PPFIA2: variants seen among roughly 807,000 people sequenced by gnomAD.
PPFIA2 encodes PPFI scaffold protein A2.
PPFIA2 carries 46 observed loss-of-function variants against 175.5 expected under a neutral mutation model. That is an observed-to-expected ratio of 0.26 (90% confidence interval 0.21 to 0.34). The LOEUF is 0.34. Ranked by LOEUF, PPFIA2 falls within the 10% of genes least tolerant of loss-of-function variation. PPFIA2 has a pLI of 1.00. For synonymous variants in PPFIA2, 568 were observed against 511.4 expected (o/e 1.11, Z -1.49); for missense variants, 1,179 against 1,506.1 (o/e 0.78, Z 3.60).
chr12:81,463,936 T>C (rs1004844075), intron 4 of PPFIA2, among the ~76,000 whole-genome samples: 1 of 152,156 alleles, frequency 6.6e-6, no homozygotes, highest in African/African-American at 2.4e-5. Flanking sequence ...ATAGGACATC[T>C]AACTTCTGTG....
chr12:81,340,321 G>T (rs2057831361), intron 20 of PPFIA2, among the ~76,000 whole-genome samples: 1 of 152,040 alleles, frequency 6.6e-6, no homozygotes, highest in Non-Finnish European at 1.5e-5. Context: ...CTAGAAGATA[G>T]ATATTTTTAT....
At chr12:81,340,999 T>C in intron 20 of PPFIA2, 79 bp downstream of exon 20, 1 of 1,396,680 alleles carries the variant, frequency 7.2e-7, no homozygotes, top group Non-Finnish European at 9.8e-7. Flanking sequence ...TGTTAAGCAG[T>C]CTATTCGACA....
At chr12:81,388,609 T>C (rs1451021353) in intron 8 of PPFIA2, among the ~76,000 whole-genome samples, 1 of 152,070 alleles carries the variant, frequency 6.6e-6, no homozygotes, top group African/African-American at 2.4e-5. Context: ...TTTATCAAAA[T>C]TGACAGAATT....
intron 27 of PPFIA2, among the ~76,000 whole-genome samples, chr12:81,278,438 G>T (rs907389866): frequency 6.6e-6 from 1 of 151,934 alleles, no homozygotes; most frequent in Non-Finnish European, 1.5e-5. Context: ...CTACTCGGGA[G>T]GCTGAGGCAG....
chr12:81,323,976 T>C (rs1467219167), intron 22 of PPFIA2, among the ~76,000 whole-genome samples: 1 of 152,046 alleles, frequency 6.6e-6, no homozygotes, highest in Non-Finnish European at 1.5e-5. Context: ...CATTAATCCA[T>C]GGGAAATAAT....
At chr12:81,480,697 G>T (rs2058105500) in intron 4 of PPFIA2, among the ~76,000 whole-genome samples, 1 of 152,084 alleles carries the variant, frequency 6.6e-6, no homozygotes, top group South Asian at 2.1e-4. Context: ...GAGTTTGCTA[G>T]AAGTCCACTC....
intron 4 of PPFIA2, among the ~76,000 whole-genome samples, chr12:81,484,987 T>A (rs912642961): frequency 2.0e-5 from 3 of 151,878 alleles, no homozygotes; most frequent in African/African-American, 7.2e-5. Context: ...TCAAGGATAT[T>A]TAGAGACATA....
At chr12:81,324,893 T>C (rs746716564) in intron 22 of PPFIA2, among the ~76,000 whole-genome samples, 1 of 151,994 alleles carries the variant, frequency 6.6e-6, no homozygotes, top group Admixed American at 6.6e-5. Context: ...AAGTATATAC[T>C]TCCCTATTAT....
intron 17 of PPFIA2, 141 bp from the exon 18 acceptor site, chr12:81,347,911 C>CT (rs1003717045): frequency 0.018 from 20,246 of 1,120,670 alleles, no homozygotes; most frequent in South Asian, 0.022. Context: ...ATTTTTTCAT[C>CT]TTTTTTTTTT....
intron 4 of PPFIA2, among the ~76,000 whole-genome samples, chr12:81,638,657 A>G (rs1035694648): frequency 3.0e-5 from 3 of 100,114 alleles, no homozygotes; most frequent in Admixed American, 9.2e-5. Flanking sequence ...GTAATTTCAG[A>G]TTTTCTTGTT....
intron 4 of PPFIA2, among the ~76,000 whole-genome samples, chr12:81,551,341 C>T (rs1209362727): frequency 1.3e-5 from 2 of 151,900 alleles, no homozygotes; most frequent in African/African-American, 4.8e-5. Context: ...CATTATTTTA[C>T]CATACTATCA....
intron 3 of PPFIA2, among the ~76,000 whole-genome samples, chr12:81,693,598 A>G (rs1464890426): frequency 6.6e-6 from 1 of 152,150 alleles, no homozygotes; most frequent in African/African-American, 2.4e-5. Context: ...ATGGCCTAAT[A>G]CAGAAAATTG....
chr12:81,745,308 G>A (rs951988803), intron 3 of PPFIA2, among the ~76,000 whole-genome samples: 35 of 152,076 alleles, frequency 2.3e-4, no homozygotes, highest in African/African-American at 8.2e-4. Context: ...CTGCACTGGA[G>A]GGTAGGAGTC....
chr12:81,307,190 C>G (rs113271284), intron 22 of PPFIA2, among the ~76,000 whole-genome samples: 10 of 152,262 alleles, frequency 6.6e-5, no homozygotes, highest in African/African-American at 2.2e-4. Context: ...AATCTGGAAG[C>G]CTGTAGTGTC....
intron 3 of PPFIA2, among the ~76,000 whole-genome samples, chr12:81,719,996 T>G (rs2079114579): frequency 6.6e-6 from 1 of 151,394 alleles, no homozygotes; most frequent in South Asian, 2.1e-4. Context: ...GTTAGTAAAT[T>G]TACCTGTAAA....
At chr12:81,457,670 T>C in intron 5 of PPFIA2, 95 bp downstream of exon 5, 1 of 676,992 alleles carries the variant, frequency 1.5e-6, no homozygotes, top group South Asian at 2.4e-5. Context: ...ATTATAAAGT[T>C]TTAAAATGCA....
chr12:81,276,141 G>A lies in PPFIA2; in HGVS notation c.3310+1176C>T, dbSNP rs144167989. ...TTATTTTTAGCAAAAAAAAGCCCAC[G>A]TATTATCTTAAGTGAAACAATTCAG... On this transcript the variant is annotated intron_variant, in intron 28 of 32. Coordinates refer to ENST00000549396, the MANE Select transcript of PPFIA2 (RefSeq NM_003625.5). Among the ~76,000 whole-genome samples, 780 of 152,170 alleles carry A rather than the reference G, an allele frequency of 5.1e-3. 1 individual carries two copies. The highest frequency in any genetic ancestry group is 0.01 in the Middle Eastern group (3 of 294).
intron 4 of PPFIA2, among the ~76,000 whole-genome samples, chr12:81,630,900 T>TA (rs1491466516): frequency 0.042 from 1,711 of 40,496 alleles, 13 homozygotes; most frequent in African/African-American, 0.05. Flanking sequence ...TATATATATA[T>TA]TTTTTTTTTT....
intron 4 of PPFIA2, among the ~76,000 whole-genome samples, chr12:81,603,828 A>G (rs1485416992): frequency 7.1e-5 from 2 of 28,034 alleles, no homozygotes. Context: ...TTCTGACTAA[A>G]AAAAAAAAAA....
Sources: allele counts gnomAD v4.1 joint callset (sites outside exome capture counted in the v4.1 genomes callset), GRCh38; gene constraint gnomAD v4.1.1; transcripts MANE v1.5; gene names NCBI Gene and HGNC (gene_info 2026-07-23, HGNC 2026-07-21).